Variants in RFX3 observed in about 807,000 individuals in gnomAD.
RFX3 encodes the protein regulatory factor X3.
Under a neutral mutation model 98.6 loss-of-function variants are expected in RFX3, and 14 were observed. The ratio of observed to expected loss-of-function variants is 0.14; its 90% CI spans 0.09 to 0.22. RFX3 has a LOEUF of 0.22. RFX3 is among the 10% of genes least tolerant of loss of function. The pLI is 1.00. For missense variants in RFX3, 639 were observed against 926.9 expected (o/e 0.69, Z 4.03); for synonymous variants, 383 against 328.4 (o/e 1.17, Z -1.80).
intron 3 of RFX3, among the ~76,000 whole-genome samples, chr9:3,338,436 G>A (rs1442758362): frequency 6.6e-6 from 1 of 152,116 alleles, no homozygotes; most frequent in African/African-American, 2.4e-5. Flanking sequence ...TATGTATGTT[G>A]ACAATGTACA....
At chr9:3,404,188 G>T (rs1841744694) in intron 1 of RFX3, among the ~76,000 whole-genome samples, 2 of 151,986 alleles carry the variant, frequency 1.3e-5, no homozygotes, top group Non-Finnish European at 2.9e-5. Flanking sequence ...GGTGTAGGTG[G>T]ACCTCAAAAA....
In RFX3 at chr9:3,504,921, C is replaced by CATATATTATATATAATATAAT. The variant is rs1564185716; in HGVS notation, c.-9+20825_-9+20826insATTATATTATATATAATATAT. 8.1e-3 allele frequency among the ~76,000 whole-genome samples: 173 copies of CATATATTATATATAATATAAT among 21,384 alleles called. 2 individuals carry two copies. Among genetic ancestry groups the CATATATTATATATAATATAAT allele is most frequent in the African/African-American group, 0.028 (164 of 5,896 alleles). The allele number at this position is 21,384 out of a possible 152,430, so 14.0% of individuals were successfully genotyped here. ...TATATTATATATATATATAATATAA[C>CATATATTATATATAATATAAT]ATATATTATATATAATATATATAAT... On this transcript the variant is annotated intron_variant, in intron 1 of 16. Transcript: ENST00000617270.
At chr9:3,359,931 T>C (rs2131366766) in intron 2 of RFX3, among the ~76,000 whole-genome samples, 1 of 152,264 alleles carries the variant, frequency 6.6e-6, no homozygotes, top group South Asian at 2.1e-4. Flanking sequence ...TTAATTTTTG[T>C]TCAAATATTT....
intron 1 of RFX3, among the ~76,000 whole-genome samples, chr9:3,419,603 T>C (rs1227742994): frequency 6.6e-6 from 1 of 152,180 alleles, no homozygotes; most frequent in Non-Finnish European, 1.5e-5. Flanking sequence ...ACTAAGTGCA[T>C]GATTAAATTT....
At chr9:3,360,206 C>T (rs903084514) in intron 2 of RFX3, among the ~76,000 whole-genome samples, 1 of 151,860 alleles carries the variant, frequency 6.6e-6, no homozygotes, top group African/African-American at 2.4e-5. Flanking sequence ...CATTGCCTTT[C>T]CCAAAATAAA....
intron 2 of RFX3, among the ~76,000 whole-genome samples, chr9:3,388,189 G>C (rs1247612521): frequency 6.6e-6 from 1 of 151,958 alleles, no homozygotes. Flanking sequence ...TTGAAACTAC[G>C]GTCTAAGAAA....
intron 1 of RFX3, among the ~76,000 whole-genome samples, chr9:3,504,950 ATATATAT>A: frequency 1.5e-5 from 1 of 66,580 alleles, no homozygotes; most frequent in Admixed American, 2.8e-4. Context: ...ATATAATATA[ATATATAT>A]TATATATAAT....
intron 1 of RFX3, among the ~76,000 whole-genome samples, chr9:3,523,077 T>C (rs532593802): frequency 6.6e-6 from 1 of 152,330 alleles, no homozygotes; most frequent in East Asian, 1.9e-4. Context: ...CATATATGTG[T>C]ATATGTATGA....
intron 1 of RFX3, among the ~76,000 whole-genome samples, chr9:3,519,636 A>T (rs1818506687): frequency 6.6e-6 from 1 of 152,174 alleles, no homozygotes; most frequent in Non-Finnish European, 1.5e-5. Flanking sequence ...GGTTAAGTGA[A>T]GGTAATAACT....
At chr9:3,344,917 G>C (rs1042683044) in intron 3 of RFX3, 4 of 691,464 alleles carry the variant, frequency 5.8e-6, no homozygotes, top group Non-Finnish European at 1.1e-5. Flanking sequence ...AACATTCACA[G>C]TGTGTCTAAA....
chr9:3,484,577 G>T (rs1297902393), intron 1 of RFX3, among the ~76,000 whole-genome samples: 1 of 152,290 alleles, frequency 6.6e-6, no homozygotes, highest in Non-Finnish European at 1.5e-5. Context: ...ATAGATGGGA[G>T]TTTCTCCAGA....
At chr9:3,254,699 G>A (rs1821880068) in intron 14 of RFX3, among the ~76,000 whole-genome samples, 1 of 152,000 alleles carries the variant, frequency 6.6e-6, no homozygotes. Flanking sequence ...CATCGTGCCT[G>A]GCTGAAATCT....
At chr9:3,380,045 G>A (rs569680581) in intron 2 of RFX3, among the ~76,000 whole-genome samples, 39 of 151,998 alleles carry the variant, frequency 2.6e-4, no homozygotes, top group Non-Finnish European at 4.3e-4. Flanking sequence ...TCCTGCCTCC[G>A]CGTCCCAAGT....
At chr9:3,427,269 T>C (rs1292635150) in intron 1 of RFX3, among the ~76,000 whole-genome samples, 1 of 143,996 alleles carries the variant, frequency 6.9e-6, no homozygotes, top group Non-Finnish European at 1.5e-5. Flanking sequence ...ACTATATATA[T>C]ATTTTATTAT....
Position 3,338,950 on chromosome 9 carries a change from G to A in RFX3, c.215+7717C>T, listed in dbSNP as rs147385812. 9.2e-5 allele frequency among the ~76,000 whole-genome samples: 14 copies of A among 152,046 alleles called. No homozygotes were observed. The East Asian group carries it at 1.4e-3, about 15-fold the overall frequency. On this transcript the variant is annotated intron_variant, in intron 3 of 16. Coordinates refer to ENST00000617270, the MANE Select transcript of RFX3 (RefSeq NM_001282116.2). ...TAAAAAATACAAAAATTAGCCGGGC[G>A]TGGTGGCGTGTGGCTGCAGTCCCAG...
chr9:3,378,641 C>G (rs564113856), intron 2 of RFX3, among the ~76,000 whole-genome samples: 10 of 148,556 alleles, frequency 6.7e-5, no homozygotes, highest in Non-Finnish European at 1.5e-4. Flanking sequence ...ACTGCAACCT[C>G]TGCCTCCCGG....
chr9:3,517,827 G>T (rs1818323002), intron 1 of RFX3, among the ~76,000 whole-genome samples: 1 of 152,194 alleles, frequency 6.6e-6, no homozygotes, highest in Non-Finnish European at 1.5e-5. Context: ...CAGATGAGTA[G>T]AAATTGTAAG....
At chr9:3,253,713 C>T (rs1821734197) in intron 14 of RFX3, among the ~76,000 whole-genome samples, 1 of 152,028 alleles carries the variant, frequency 6.6e-6, no homozygotes, top group Non-Finnish European at 1.5e-5. Flanking sequence ...TAAATATATA[C>T]AAAAAATTTT....
At chr9:3,524,421 A>T (rs1399868489) in intron 1 of RFX3, 2 of 625,040 alleles carry the variant, frequency 3.2e-6, no homozygotes, top group East Asian at 2.8e-4. Flanking sequence ...AAATAAAAAG[A>T]ATATGTTAAG....
Sources: gnomAD v4.1 joint callset for allele counts (sites outside exome capture counted in the v4.1 genomes callset) on GRCh38, gnomAD v4.1.1 for gene constraint, MANE v1.5 for transcripts, NCBI Gene and HGNC (gene_info 2026-07-23, HGNC 2026-07-21) for gene names.